Variants in ACSS3 observed in about 807,000 individuals in gnomAD.
The protein encoded by ACSS3 is acyl-CoA synthetase short chain family member 3.
A neutral mutation model predicts 84.2 loss-of-function variants in ACSS3; 64 were observed. The ratio of observed to expected loss-of-function variants is 0.76; its 90% CI spans 0.62 to 0.94. The LOEUF (loss-of-function observed/expected upper bound fraction) is 0.94. ACSS3 is among the 40% of genes least tolerant of loss of function. The pLI is 0.00. For synonymous variants in ACSS3, 317 were observed against 310.1 expected, an observed-to-expected ratio of 1.02 and a Z score of -0.23; for missense variants, 815 against 867.6, an observed-to-expected ratio of 0.94 and a Z score of 0.76.
intron 8 of ACSS3, among the ~76,000 whole-genome samples, chr12:81,196,618 G>A (rs769877235): frequency 6.6e-6 from 1 of 152,012 alleles, no homozygotes; most frequent in Non-Finnish European, 1.5e-5. Flanking sequence ...ACCTGAGGCT[G>A]GATAATTTAT....
At chr12:81,213,558 CCTCCTCTCCTCTCCT>C (rs762606244) in intron 9 of ACSS3, among the ~76,000 whole-genome samples, 21 of 112,896 alleles carry the variant, frequency 1.9e-4, no homozygotes, top group African/African-American at 6.3e-4. Flanking sequence ...AGTTCTCTTT[CCTCCTCTCCTCTCCT>C]CTCCTCTCCT....
intron 7 of ACSS3, among the ~76,000 whole-genome samples, chr12:81,172,392 G>A (rs1232451943): frequency 6.6e-6 from 1 of 151,718 alleles, no homozygotes; most frequent in Non-Finnish European, 1.5e-5. Context: ...ACTGATGTGT[G>A]CCTGCTGTAT....
intron 3 of ACSS3, among the ~76,000 whole-genome samples, chr12:81,136,961 G>A (rs1199022254): frequency 6.6e-6 from 1 of 152,044 alleles, no homozygotes; most frequent in Non-Finnish European, 1.5e-5. Context: ...GACCTTTAGA[G>A]TTTTACAAGC....
chr12:81,103,801 G>A (rs1045069726), intron 1 of ACSS3, among the ~76,000 whole-genome samples: 11 of 152,032 alleles, frequency 7.2e-5, no homozygotes, highest in Admixed American at 5.9e-4. Flanking sequence ...AAAATTCCAA[G>A]TTCAAGTTTT....
intron 7 of ACSS3, among the ~76,000 whole-genome samples, chr12:81,169,097 T>C (rs1188967576): frequency 6.6e-6 from 1 of 152,164 alleles, no homozygotes; most frequent in Non-Finnish European, 1.5e-5. Flanking sequence ...CAAGAAGTTC[T>C]ACTGTATATT....
At chr12:81,138,215 T>A (rs144780383) in intron 3 of ACSS3, among the ~76,000 whole-genome samples, 182 of 152,328 alleles carry the variant, frequency 1.2e-3, no homozygotes, top group African/African-American at 4.2e-3. Flanking sequence ...GAAGAAACAA[T>A]GTACTTAAAA....
intron 4 of ACSS3, among the ~76,000 whole-genome samples, chr12:81,139,727 CT>C (rs1885997093): frequency 6.6e-6 from 1 of 151,450 alleles, no homozygotes; most frequent in African/African-American, 2.4e-5. Flanking sequence ...GCTCCGCCCC[CT>C]GGGTTCATGC....
chr12:81,233,538 T>G, intron 13 of ACSS3, 67 bp downstream of exon 13: 3 of 1,566,238 alleles, frequency 1.9e-6, no homozygotes, highest in Non-Finnish European at 1.7e-6. Context: ...GAAGACAATA[T>G]TGAGGTTATT....
At chr12:81,102,351 T>C (rs527412896) in intron 1 of ACSS3, among the ~76,000 whole-genome samples, 2 of 152,256 alleles carry the variant, frequency 1.3e-5, no homozygotes, top group African/African-American at 4.8e-5. Context: ...GGATCCTCTA[T>C]GGAGAAACTC....
In ACSS3 at chr12:81,090,856, C is replaced by A. The variant is rs1352298739; in HGVS notation, c.311+12425C>A. 2.6e-5 allele frequency among the ~76,000 whole-genome samples: 4 copies of A among 151,966 alleles called. No homozygotes were observed. In the East Asian group the frequency reaches 7.7e-4, roughly 29 times the overall value. On this transcript the variant is annotated intron_variant, in intron 1 of 15. Coordinates refer to ENST00000548058, the MANE Select transcript of ACSS3 (RefSeq NM_024560.4). ...GTGGGGGATTGGTTCCAGAACACCA[C>A]CCACTCCCTGCAGATACCAAAATCT...
intron 13 of ACSS3, among the ~76,000 whole-genome samples, chr12:81,251,676 A>AG (rs1244545504): frequency 1.3e-5 from 2 of 149,854 alleles, no homozygotes; most frequent in Non-Finnish European, 1.5e-5. Context: ...TACAAAAAAA[A>AG]AAAAAAAATA....
chr12:81,150,758 G>A (rs998703816), intron 5 of ACSS3, among the ~76,000 whole-genome samples: 8 of 152,136 alleles, frequency 5.3e-5, no homozygotes, highest in African/African-American at 1.7e-4. Context: ...AGTAACTAAC[G>A]GAAAGTCAAT....
At chr12:81,098,735 C>T (rs905154326) in intron 1 of ACSS3, among the ~76,000 whole-genome samples, 5 of 152,194 alleles carry the variant, frequency 3.3e-5, no homozygotes, top group African/African-American at 9.7e-5. Context: ...GGCTAAGATT[C>T]GAACTCTAGT....
chr12:81,212,015 CTA>C (rs2135928916), intron 9 of ACSS3, among the ~76,000 whole-genome samples: 1 of 152,270 alleles, frequency 6.6e-6, no homozygotes, highest in Admixed American at 6.5e-5. Context: ...CCCTAAATAT[CTA>C]TGTGTCACAT....
rs373306171 is a variant in ACSS3, at chr12:81,139,168, C to A, written c.683C>A (p.Pro228His). The change falls in exon 4 of 16, where the codon CCT (proline) becomes CAT (histidine). Residue 228 changes from proline to histidine, a missense_variant. Transcript: ENST00000548058. ...GTTACAGCATCATTTGGCATTGAAC[C>A]TGGAAGGAGGGTAGAGTACGTACCA... ...VVVTASFGIE[P>H]GRRVEYVPLV... 9 of 1,613,542 alleles carry A rather than the reference C, an allele frequency of 5.6e-6. No individual in the cohort carries two copies. Among genetic ancestry groups the A allele is most frequent in the African/African-American group, 1.3e-5 (1 of 74,862 alleles).
intron 9 of ACSS3, among the ~76,000 whole-genome samples, chr12:81,215,207 G>T (rs1208775730): frequency 6.6e-6 from 1 of 152,110 alleles, no homozygotes; most frequent in Admixed American, 6.5e-5. Flanking sequence ...GCTATGGATT[G>T]CCATTTCATA....
At chr12:81,147,730 TG>T (rs1886408626) in intron 5 of ACSS3, among the ~76,000 whole-genome samples, 1 of 152,084 alleles carries the variant, frequency 6.6e-6, no homozygotes, top group Admixed American at 6.5e-5. Context: ...AGTGCTGACG[TG>T]TTAGATCTTT....
rs2034216068 is a variant in ACSS3 at position 81,253,531 on chromosome 12, T to C, written c.1856T>C (p.Ile619Thr). The C allele has an allele frequency of 2.5e-6, 4 of 1,613,922 alleles. No individual in the cohort carries two copies. The highest frequency in any genetic ancestry group is 1.3e-5 in the African/African-American group (1 of 75,032). Residue 619 changes from isoleucine (I) to threonine (T), a missense_variant, in exon 15 of 16, where the codon ATT becomes ACT. By Grantham distance (89) the Ile-to-Thr change is moderately conservative. Transcript: ENST00000548058. ...NATEEQVLEE[I>T]VKHVRQNIGP... ...ACAGAGGAGCAAGTTTTGGAAGAAA[T>C]TGTGAAACACGTTAGACAGAACATT... is the stretch of plus-strand genomic sequence containing the variant.
intron 1 of ACSS3, among the ~76,000 whole-genome samples, chr12:81,096,087 C>T (rs1882022051): frequency 6.6e-6 from 1 of 152,208 alleles, no homozygotes; most frequent in East Asian, 1.9e-4. Context: ...TGGGATATCA[C>T]TGTGTGAATA....
Sources: gnomAD v4.1 joint callset for allele counts (sites outside exome capture counted in the v4.1 genomes callset) on GRCh38, gnomAD v4.1.1 for gene constraint, MANE v1.5 for transcripts, NCBI Gene and HGNC (gene_info 2026-07-23, HGNC 2026-07-21) for gene names.